Variants in GAD2 observed in about 807,000 individuals in gnomAD.
GAD2 encodes 65 kDa glutamic acid decarboxylase.
A neutral mutation model predicts 80.1 loss-of-function variants in GAD2; 22 were observed. That is an observed-to-expected ratio of 0.27 (90% CI 0.20 to 0.39). The LOEUF (loss-of-function observed/expected upper bound fraction) is 0.39, where lower values mean the gene tolerates loss of function less well. Among genes scored for constraint, GAD2 ranks in the 10% least tolerant of loss-of-function variants. The probability of loss-of-function intolerance (pLI) is 1.00; values close to 1 mark genes in which losing one functional copy is unlikely to be tolerated. For synonymous variants in GAD2, 274 were observed against 256.9 expected (o/e 1.07, Z -0.64); for missense variants, 624 against 738.4 (o/e 0.85, Z 1.80).
chr10:26,235,896 C>T (rs775688323), intron 7 of GAD2, among the ~76,000 whole-genome samples: 19 of 152,286 alleles, frequency 1.2e-4, no homozygotes, highest in South Asian at 2.1e-4. Context: ...ATATCTTCCG[C>T]GAAACAGCAT....
chr10:26,251,446 A>G, intron 8 of GAD2, among the ~76,000 whole-genome samples: 1 of 152,212 alleles, frequency 6.6e-6, no homozygotes, highest in East Asian at 1.9e-4. Flanking sequence ...CAAAAAAGTA[A>G]TGGCGCCTGC....
At chr10:26,237,698 A>G (rs921875777) in intron 7 of GAD2, among the ~76,000 whole-genome samples, 1 of 152,080 alleles carries the variant, frequency 6.6e-6, no homozygotes, top group Admixed American at 6.5e-5. Context: ...CTACATACAT[A>G]TATTTATTTT....
At chr10:26,266,452 A>G (rs1845075133) in intron 8 of GAD2, among the ~76,000 whole-genome samples, 1 of 152,222 alleles carries the variant, frequency 6.6e-6, no homozygotes. Flanking sequence ...GTCCATATTC[A>G]CTATCTGGTC....
At chr10:26,251,262 A>G (rs1030879969) in intron 8 of GAD2, among the ~76,000 whole-genome samples, 1 of 151,846 alleles carries the variant, frequency 6.6e-6, no homozygotes, top group African/African-American at 2.4e-5. Context: ...ACAAACACAA[A>G]CACACTTAAC....
intron 12 of GAD2, among the ~76,000 whole-genome samples, chr10:26,282,235 G>A (rs1845280514): frequency 6.6e-6 from 1 of 152,096 alleles, no homozygotes; most frequent in African/African-American, 2.4e-5. Context: ...GAGCTACCAT[G>A]CCCAGCCAAA....
intron 15 of GAD2, among the ~76,000 whole-genome samples, chr10:26,296,466 G>A (rs1045730576): frequency 9.2e-5 from 14 of 152,174 alleles, no homozygotes; most frequent in African/African-American, 3.4e-4. Context: ...CATGAGGGTG[G>A]TAAACACGAG....
At chr10:26,285,124 C>T (rs1845317320) in intron 12 of GAD2, among the ~76,000 whole-genome samples, 1 of 152,170 alleles carries the variant, frequency 6.6e-6, no homozygotes, top group African/African-American at 2.4e-5. Flanking sequence ...CAGTATATTT[C>T]TACTGATCTA....
chr10:26,271,154 G>T (rs8190719), intron 10 of GAD2, among the ~76,000 whole-genome samples: 57 of 152,190 alleles, frequency 3.7e-4, no homozygotes, highest in Non-Finnish European at 7.6e-4. Flanking sequence ...GAAACCCAGA[G>T]AATTAAAAAC....
At chr10:26,240,392 C>T (rs74129132) in intron 7 of GAD2, among the ~76,000 whole-genome samples, 10,851 of 152,048 alleles carry the variant, frequency 0.071, 1,270 homozygotes, top group African/African-American at 0.24. Flanking sequence ...TATAAAATCC[C>T]TTATTTATTT....
At chr10:26,270,114 T>C (rs1188336977) in intron 9 of GAD2, among the ~76,000 whole-genome samples, 1 of 152,198 alleles carries the variant, frequency 6.6e-6, no homozygotes, top group Non-Finnish European at 1.5e-5. Context: ...GAGGACTAGT[T>C]AGACGGATAA....
Position 26,289,392 on chromosome 10 carries a change from T to C in GAD2, c.1386+2898T>C, listed in dbSNP as rs1834188638. Among the ~76,000 whole-genome samples, 3 of 152,298 alleles carry C rather than the reference T, an allele frequency of 2.0e-5. No homozygotes were observed. The East Asian group carries it at 5.8e-4, about 29-fold the overall frequency. ...TGGAGAATTCGGTGTTTTCCACATT[T>C]TCTCCTAAGATAAACCCCATGAGAA... On this transcript the variant is annotated intron_variant, in intron 13 of 15. Transcript: ENST00000376261.
At chr10:26,270,163 C>T (rs766777124) in intron 9 of GAD2, among the ~76,000 whole-genome samples, 11 of 152,142 alleles carry the variant, frequency 7.2e-5, no homozygotes, top group Admixed American at 7.2e-4. Context: ...CGTGCTGAAA[C>T]GTGAAATAAA....
chr10:26,248,911 T>C (rs1844843847), intron 8 of GAD2, among the ~76,000 whole-genome samples: 1 of 152,120 alleles, frequency 6.6e-6, no homozygotes. Context: ...ATAATTTTCA[T>C]TAAAGAACAT....
intron 4 of GAD2, among the ~76,000 whole-genome samples, chr10:26,221,551 G>T (rs1004836218): frequency 6.6e-6 from 1 of 152,186 alleles, no homozygotes; most frequent in Non-Finnish European, 1.5e-5. Flanking sequence ...CAGACAAAGG[G>T]AATTAAGCGT....
intron 3 of GAD2, chr10:26,218,212 C>G (rs1012841533): frequency 2.3e-6 from 1 of 439,750 alleles, no homozygotes. Flanking sequence ...GCTCTGAGGC[C>G]GTGGCGCTCT....
intron 8 of GAD2, among the ~76,000 whole-genome samples, chr10:26,259,928 A>G (rs1326936292): frequency 6.6e-6 from 1 of 152,222 alleles, no homozygotes; most frequent in African/African-American, 2.4e-5. Flanking sequence ...GAATGACAAC[A>G]TAATTCTCCT....
At chr10:26,270,503 G>A (rs1564667511) in intron 9 of GAD2, 137 bp from the exon 10 acceptor site, 4 of 708,128 alleles carry the variant, frequency 5.6e-6, no homozygotes, top group African/African-American at 5.3e-5. Flanking sequence ...CAGACCCCGG[G>A]GTGTCAGTAA....
chr10:26,230,479 A>G (rs1305996218), intron 7 of GAD2, among the ~76,000 whole-genome samples: 1 of 152,138 alleles, frequency 6.6e-6, no homozygotes, highest in Non-Finnish European at 1.5e-5. Context: ...CCCAGACTGT[A>G]GTGCAGTGGT....
intron 15 of GAD2, among the ~76,000 whole-genome samples, chr10:26,294,413 G>A (rs144208633): frequency 1.1e-3 from 172 of 152,278 alleles, no homozygotes; most frequent in African/African-American, 4.0e-3. Flanking sequence ...TATGGCTGAG[G>A]TCTTTAAACC....
Sources: gnomAD v4.1 joint callset for allele counts (sites outside exome capture counted in the v4.1 genomes callset) on GRCh38, gnomAD v4.1.1 for gene constraint, MANE v1.5 for transcripts, NCBI Gene and HGNC (gene_info 2026-07-23, HGNC 2026-07-21) for gene names.